SAMTOR: variants seen among roughly 807,000 people sequenced by gnomAD.
SAMTOR encodes the protein S-adenosylmethionine sensor upstream of mTORC1.
At chr7:112,862,379 G>C in the SAMTOR span, among the ~76,000 whole-genome samples, 1 of 152,172 alleles carries the variant, frequency 6.6e-6, no homozygotes, top group Non-Finnish European at 1.5e-5. Context: ...TATAACGTTA[G>C]AGTTAACTTA....
the SAMTOR span, among the ~76,000 whole-genome samples, chr7:112,833,458 T>G: frequency 1.3e-5 from 2 of 152,276 alleles, no homozygotes; most frequent in South Asian, 2.1e-4. Flanking sequence ...CTTGACCCTA[T>G]GCCTAGTACA....
At chr7:112,908,003 G>A in the SAMTOR span, among the ~76,000 whole-genome samples, 1 of 151,960 alleles carries the variant, frequency 6.6e-6, no homozygotes, top group South Asian at 2.1e-4. Context: ...AATATACAAT[G>A]ACAAAAATAC....
chr7:112,893,868 C>A, the SAMTOR span, among the ~76,000 whole-genome samples: 1 of 152,122 alleles, frequency 6.6e-6, no homozygotes, highest in Non-Finnish European at 1.5e-5. Context: ...TGCCACTGCA[C>A]GCCAGCCTGG....
chr7:112,875,451 C>A, the SAMTOR span, among the ~76,000 whole-genome samples: 4 of 152,048 alleles, frequency 2.6e-5, no homozygotes, highest in Non-Finnish European at 5.9e-5. Context: ...TCTCTCCATC[C>A]CCTAATTTTG....
chr7:112,866,767 T>C, the SAMTOR span, among the ~76,000 whole-genome samples: 2 of 152,330 alleles, frequency 1.3e-5, no homozygotes, highest in East Asian at 3.9e-4. Context: ...GTCCCAAACA[T>C]AGACTCTGCC....
At chr7:112,910,414 C>G in the SAMTOR span, among the ~76,000 whole-genome samples, 12 of 151,950 alleles carry the variant, frequency 7.9e-5, no homozygotes, top group African/African-American at 2.9e-4. Context: ...TAATAAATGT[C>G]AAGAAATAAT....
the SAMTOR span, among the ~76,000 whole-genome samples, chr7:112,915,697 TAATA>T: frequency 2.6e-5 from 4 of 152,312 alleles, no homozygotes; most frequent in South Asian, 2.1e-4. Context: ...TAATTATTTT[TAATA>T]AATAAATGAA....
At chr7:112,849,088 T>C in the SAMTOR span, among the ~76,000 whole-genome samples, 6 of 151,762 alleles carry the variant, frequency 4.0e-5, no homozygotes, top group Non-Finnish European at 8.8e-5. Context: ...TTAGTACTAC[T>C]TTTTTCCCCT....
the SAMTOR span, among the ~76,000 whole-genome samples, chr7:112,878,409 C>T: frequency 1.3e-5 from 2 of 152,064 alleles, no homozygotes; most frequent in African/African-American, 4.8e-5. Flanking sequence ...ATTCACAGAC[C>T]ATTCTCTTCC....
At chr7:112,872,093 CGAG>C in the SAMTOR span, among the ~76,000 whole-genome samples, 4 of 152,020 alleles carry the variant, frequency 2.6e-5, no homozygotes, top group South Asian at 2.1e-4. Flanking sequence ...CCAAAAAAAT[CGAG>C]GAGGAGGAAT....
At chr7:112,921,528 T>C in the SAMTOR span, among the ~76,000 whole-genome samples, 4 of 149,438 alleles carry the variant, frequency 2.7e-5, no homozygotes, top group African/African-American at 9.9e-5. Context: ...ATTCAGGACA[T>C]AGGCATGGGC....
the SAMTOR span, among the ~76,000 whole-genome samples, chr7:112,928,398 C>A: frequency 6.6e-6 from 1 of 151,934 alleles, no homozygotes; most frequent in Non-Finnish European, 1.5e-5. Context: ...TCATCTTACA[C>A]TTCCCTCATC....
the SAMTOR span, chr7:112,820,463 A>C: frequency 1.3e-5 from 2 of 152,404 alleles, no homozygotes; most frequent in African/African-American, 4.8e-5. Context: ...TTTTAATGTA[A>C]TAACCACTTG....
At chr7:112,828,072 T>C in the SAMTOR span, among the ~76,000 whole-genome samples, 1 of 152,194 alleles carries the variant, frequency 6.6e-6, no homozygotes, top group Admixed American at 6.5e-5. Flanking sequence ...TCCAAGTATA[T>C]GGAGGGCCAA....
the SAMTOR span, among the ~76,000 whole-genome samples, chr7:112,914,401 G>T: frequency 6.6e-6 from 1 of 151,016 alleles, no homozygotes; most frequent in Non-Finnish European, 1.5e-5. Context: ...GTACCCAATC[G>T]GGAGTTTTTC....
At chr7:112,903,572 C>T in the SAMTOR span, among the ~76,000 whole-genome samples, 6 of 152,142 alleles carry the variant, frequency 3.9e-5, no homozygotes, top group South Asian at 4.1e-4. Flanking sequence ...ATTATGATTA[C>T]GTAGAAGAAT....
the SAMTOR span, among the ~76,000 whole-genome samples, chr7:112,929,060 AAAT>A: frequency 8.6e-5 from 13 of 152,012 alleles, no homozygotes; most frequent in African/African-American, 3.1e-4. Context: ...ATGTGTATAA[AAAT>A]AATATTTTTT....
the SAMTOR span, among the ~76,000 whole-genome samples, chr7:112,936,918 T>C: frequency 1.3e-5 from 2 of 152,184 alleles, no homozygotes; most frequent in African/African-American, 2.4e-5. Context: ...ATTCTAACAT[T>C]TGGAGTCACT....
At chr7:112,894,439 A>T in the SAMTOR span, among the ~76,000 whole-genome samples, 3 of 152,154 alleles carry the variant, frequency 2.0e-5, no homozygotes, top group Non-Finnish European at 4.4e-5. Context: ...CTAAAATGTG[A>T]CAGTGTATTA....
Sources: allele counts gnomAD v4.1 joint callset (sites outside exome capture counted in the v4.1 genomes callset), GRCh38; gene constraint gnomAD v4.1.1; transcripts MANE v1.5; gene names NCBI Gene and HGNC (gene_info 2026-07-23, HGNC 2026-07-21).